The following CTDSPL2 variants were observed in gnomAD, a reference collection of about 807,000 sequenced individuals.
CTDSPL2 encodes CTD small phosphatase-like protein 2.
A neutral mutation model predicts 60.0 loss-of-function variants in CTDSPL2; 5 were observed. The ratio of observed to expected loss-of-function variants is 0.08; its 90% CI spans 0.04 to 0.18. The LOEUF is 0.18. Ranked by LOEUF, CTDSPL2 falls within the 10% of genes least tolerant of loss-of-function variation. CTDSPL2 has a pLI of 1.00. For synonymous variants in CTDSPL2, 186 were observed against 189.3 expected, an observed-to-expected ratio of 0.98 and a Z score of 0.14; for missense variants, 370 against 548.8, an observed-to-expected ratio of 0.67 and a Z score of 3.26.
At chr15:44,487,658 T>C (rs543572479) in intron 4 of CTDSPL2, among the ~76,000 whole-genome samples, 9 of 152,084 alleles carry the variant, frequency 5.9e-5, no homozygotes, top group Non-Finnish European at 1.3e-4. Context: ...TAGTTTGTAA[T>C]TGATGGAACA....
chr15:44,481,388 TACTC>T, intron 2 of CTDSPL2, among the ~76,000 whole-genome samples: 1 of 152,182 alleles, frequency 6.6e-6, no homozygotes, highest in Non-Finnish European at 1.5e-5. Flanking sequence ...TTATTTAGCT[TACTC>T]ACTATTGGTA....
At chr15:44,499,266 G>A (rs971376640) in intron 7 of CTDSPL2, among the ~76,000 whole-genome samples, 5 of 152,234 alleles carry the variant, frequency 3.3e-5, no homozygotes, top group Admixed American at 2.6e-4. Context: ...TTAGCCAGAC[G>A]TGATTGCTGG....
At chr15:44,497,229 A>G in intron 7 of CTDSPL2, 91 bp downstream of exon 7, 1 of 735,788 alleles carries the variant, frequency 1.4e-6, no homozygotes, top group East Asian at 2.7e-5. Flanking sequence ...TTTTTTTGTC[A>G]GGATCATGTT....
chr15:44,487,985 G>A (rs576718941), intron 4 of CTDSPL2, among the ~76,000 whole-genome samples: 1 of 151,896 alleles, frequency 6.6e-6, no homozygotes, highest in African/African-American at 2.4e-5. Flanking sequence ...GGATGTGGTG[G>A]CATGTGCCTG....
rs1440492549 is a variant in CTDSPL2 at position 44,439,352 on chromosome 15, T to C, written c.-25+11580T>C. ...TTAGTAGAGACGGGGTTTCACCATA[T>C]TGACCAGGCCGGTCTCGAACTCCTG... On this transcript the variant is annotated intron_variant, in intron 1 of 12. Transcript: ENST00000260327. Among the ~76,000 whole-genome samples, 11 of 152,038 alleles carry C rather than the reference T, an allele frequency of 7.2e-5. No homozygotes were observed. In the East Asian group the frequency reaches 2.1e-3, roughly 29 times the overall value.
At chr15:44,427,815 G>A in intron 1 of CTDSPL2, 43 bp downstream of exon 1, 1 of 398,020 alleles carries the variant, frequency 2.5e-6, no homozygotes, top group Non-Finnish European at 4.4e-6. Context: ...TCCAATCTCA[G>A]TCCTCCTCCT....
At chr15:44,523,092 G>A (rs538272850) in intron 12 of CTDSPL2, among the ~76,000 whole-genome samples, 17 of 152,174 alleles carry the variant, frequency 1.1e-4, no homozygotes, top group Admixed American at 7.8e-4. Context: ...CGCCTCCCAT[G>A]TTCAAGGGAT....
chr15:44,469,919 A>C (rs1259253721), intron 2 of CTDSPL2, among the ~76,000 whole-genome samples: 1 of 151,972 alleles, frequency 6.6e-6, no homozygotes, highest in Non-Finnish European at 1.5e-5. Context: ...AACACAGTGA[A>C]ACCCTGTCTC....
intron 8 of CTDSPL2, chr15:44,502,137 T>A: frequency 9.2e-6 from 2 of 218,396 alleles, no homozygotes; most frequent in Non-Finnish European, 1.9e-5. Flanking sequence ...ATACTCTTAT[T>A]TTTTAAAAAA....
chr15:44,461,595 T>TA (rs2080572625), intron 2 of CTDSPL2, among the ~76,000 whole-genome samples: 1 of 148,616 alleles, frequency 6.7e-6, no homozygotes, highest in Non-Finnish European at 1.5e-5. Flanking sequence ...TTTTTTTTTT[T>TA]TTAAAGAGAT....
At chr15:44,494,609 G>C (rs1388394132) in intron 5 of CTDSPL2, among the ~76,000 whole-genome samples, 1 of 147,718 alleles carries the variant, frequency 6.8e-6, no homozygotes, top group Non-Finnish European at 1.5e-5. Context: ...AAAAAAAAAA[G>C]GTTAAAAGAA....
rs972997670 is a variant in CTDSPL2 at position 44,516,941 on chromosome 15, G to A, written c.1112+2097G>A. 1.3e-5 allele frequency: 2 copies of A among 151,976 alleles called. 1 individual carries two copies. Among genetic ancestry groups the A allele is most frequent in the Non-Finnish European group, 2.9e-5 (2 of 68,002 alleles). The allele number at this position is 151,976 out of a possible 1,614,324, so 9.4% of individuals were successfully genotyped here. ...TGTAAACTCGGCCTCCCAGATTCAA[G>A]CGATTCTCCTGCCTCAGCCTCCTGA... On this transcript the variant is annotated intron_variant, in intron 10 of 12. Coordinates refer to ENST00000260327, the MANE Select transcript of CTDSPL2 (RefSeq NM_016396.3).
intron 1 of CTDSPL2, among the ~76,000 whole-genome samples, chr15:44,437,419 T>G (rs2079999686): frequency 1.3e-5 from 2 of 152,228 alleles, no homozygotes; most frequent in South Asian, 4.1e-4. Flanking sequence ...TGTAATCATA[T>G]TGTTAATACA....
At chr15:44,510,200 G>A (rs1391963810) in intron 8 of CTDSPL2, among the ~76,000 whole-genome samples, 1 of 152,020 alleles carries the variant, frequency 6.6e-6, no homozygotes, top group Non-Finnish European at 1.5e-5. Context: ...GTTTCAACAT[G>A]TTAGTCTGGC....
chr15:44,450,795 A>G (rs1482491788), intron 1 of CTDSPL2, among the ~76,000 whole-genome samples: 1 of 151,636 alleles, frequency 6.6e-6, no homozygotes, highest in African/African-American at 2.4e-5. Flanking sequence ...GGGGCGTTTC[A>G]CCATGTTGGC....
chr15:44,461,034 T>C (rs963916931), intron 2 of CTDSPL2, among the ~76,000 whole-genome samples: 1 of 152,222 alleles, frequency 6.6e-6, no homozygotes, highest in African/African-American at 2.4e-5. Flanking sequence ...TGTGTTTCCT[T>C]ACATGTGCAA....
chr15:44,436,951 G>A (rs1341910002), intron 1 of CTDSPL2, among the ~76,000 whole-genome samples: 1 of 152,012 alleles, frequency 6.6e-6, no homozygotes, highest in South Asian at 2.1e-4. Context: ...TACATAATGA[G>A]GTATCTTGGA....
intron 1 of CTDSPL2, among the ~76,000 whole-genome samples, chr15:44,442,891 G>T (rs368690331): frequency 3.3e-5 from 5 of 151,912 alleles, no homozygotes; most frequent in Admixed American, 6.6e-5. Flanking sequence ...TGCGAAGATC[G>T]CTTGAGCCTG....
chr15:44,447,465 G>C (rs1451449401), intron 1 of CTDSPL2: 2 of 152,240 alleles, frequency 1.3e-5, no homozygotes, highest in Non-Finnish European at 2.9e-5. Flanking sequence ...AAGTAATTCA[G>C]ATTTCATCAA....
Sources: allele counts gnomAD v4.1 joint callset (sites outside exome capture counted in the v4.1 genomes callset), GRCh38; gene constraint gnomAD v4.1.1; transcripts MANE v1.5; gene names NCBI Gene and HGNC (gene_info 2026-07-23, HGNC 2026-07-21).